The following DAB1 variants were observed in gnomAD, a reference collection of about 807,000 sequenced individuals.
DAB1 encodes disabled homolog 1.
A neutral mutation model predicts 64.6 loss-of-function variants in DAB1; 15 were observed. That is an observed-to-expected ratio of 0.23 (90% CI 0.16 to 0.36). The LOEUF (loss-of-function observed/expected upper bound fraction) is 0.36. Among genes scored for constraint, DAB1 ranks in the 10% least tolerant of loss-of-function variants. The probability of loss-of-function intolerance (pLI) is 1.00; values close to 1 mark genes in which losing one functional copy is unlikely to be tolerated. For missense variants in DAB1, 596 were observed against 706.7 expected, an observed-to-expected ratio of 0.84 and a Z score of 1.78; for synonymous variants, 235 against 251.9, an observed-to-expected ratio of 0.93 and a Z score of 0.64.
At chr1:57,000,422 A>T (rs1645815377) in intron 14 of DAB1, among the ~76,000 whole-genome samples, 1 of 152,120 alleles carries the variant, frequency 6.6e-6, no homozygotes, top group African/African-American at 2.4e-5. Flanking sequence ...AATGATTATA[A>T]TGCTGTTTCT....
At chr1:57,358,446 C>T (rs1679294540) in intron 1 of DAB1, among the ~76,000 whole-genome samples, 1 of 151,872 alleles carries the variant, frequency 6.6e-6, no homozygotes, top group African/African-American at 2.4e-5. Flanking sequence ...TGGTGTATCA[C>T]ATTTATTGTT....
chr1:57,146,772 G>A (rs1311034480), intron 2 of DAB1, among the ~76,000 whole-genome samples: 1 of 152,136 alleles, frequency 6.6e-6, no homozygotes, highest in East Asian at 1.9e-4. Context: ...AGTTTTTGGT[G>A]ACTGCAAATA....
At chr1:57,889,899 C>T (rs58602349) in intron 5 of DAB1, among the ~76,000 whole-genome samples, 3 of 74,330 alleles carry the variant, frequency 4.0e-5, no homozygotes, top group Non-Finnish European at 7.6e-5. Flanking sequence ...CAAACTGGGG[C>T]GGGGGGGGGG....
Position 58,468,861 on chromosome 1 carries a change from C to G in DAB1, n.257+37199G>C, listed in dbSNP as rs12067875. The G allele has an allele frequency of 6.2e-3, 1,227 of 199,282 alleles. 16 individuals carry two copies. The highest frequency in any genetic ancestry group is 0.027 in the African/African-American group (1,169 of 42,628). 12.3% of individuals were successfully genotyped at this position (199,282 alleles called of 1,614,324 possible). On this transcript the variant is annotated intron_variant and non_coding_transcript_variant, in intron 3 of 20. Transcript: ENST00000485760. ...GGGCCTGAAGGTGTGACAGCTGGAG[C>G]ATTTGTCAGTCATGCATGCCACAGA...
chr1:57,300,543 A>T (rs892231496), intron 1 of DAB1, among the ~76,000 whole-genome samples: 30 of 152,238 alleles, frequency 2.0e-4, no homozygotes, highest in African/African-American at 7.0e-4. Flanking sequence ...CAGAGAGAAG[A>T]CGTAATCAAT....
chr1:57,604,007 T>TC (rs1360214606), intron 7 of DAB1, among the ~76,000 whole-genome samples: 1 of 152,216 alleles, frequency 6.6e-6, no homozygotes, highest in African/African-American at 2.4e-5. Flanking sequence ...TTTCTCAAGG[T>TC]CAGCACATGC....
chr1:57,274,929 A>G (rs1374755445), intron 2 of DAB1, among the ~76,000 whole-genome samples: 1 of 151,322 alleles, frequency 6.6e-6, no homozygotes, highest in Non-Finnish European at 1.5e-5. Flanking sequence ...TAACTGCTTA[A>G]AAAAAAATTG....
At chr1:57,207,364 TAAAG>T (rs949702042) in intron 2 of DAB1, among the ~76,000 whole-genome samples, 44 of 151,484 alleles carry the variant, frequency 2.9e-4, no homozygotes, top group African/African-American at 9.4e-4. Flanking sequence ...TGAGTTCCCC[TAAAG>T]AAAGAGCAGA....
At chr1:58,128,610 T>C (rs1653303062) in intron 5 of DAB1, among the ~76,000 whole-genome samples, 1 of 128,872 alleles carries the variant, frequency 7.8e-6, no homozygotes, top group Non-Finnish European at 1.6e-5. Flanking sequence ...AGATAGCTCT[T>C]ATTATTTTTA....
intron 2 of DAB1, among the ~76,000 whole-genome samples, chr1:57,277,577 C>A (rs917882854): frequency 3.3e-5 from 5 of 152,274 alleles, no homozygotes; most frequent in African/African-American, 1.2e-4. Flanking sequence ...ATAAGACCAA[C>A]CTGATTTCAG....
chr1:57,169,109 A>C (rs531896694), intron 2 of DAB1, among the ~76,000 whole-genome samples: 33 of 152,284 alleles, frequency 2.2e-4, no homozygotes, highest in Non-Finnish European at 3.7e-4. Context: ...AAGACAAATA[A>C]TTAAACTGAA....
rs144997316 is a variant in DAB1 at position 57,579,893 on chromosome 1, G to A, written n.625+69699C>T. Among the ~76,000 whole-genome samples, 274 of 152,320 alleles carry A rather than the reference G, an allele frequency of 1.8e-3. 2 individuals are homozygous for A. Among genetic ancestry groups the A allele is most frequent in the African/African-American group, 6.2e-3 (256 of 41,580 alleles). On this transcript the variant is annotated intron_variant and non_coding_transcript_variant, in intron 7 of 20. Transcript: ENST00000485760. ...GCTCAGAGGTTTCATTACACTCACA[G>A]TTCTCTGAGGAAAACATAGCCTACC...
intron 3 of DAB1, among the ~76,000 whole-genome samples, chr1:58,376,155 G>A (rs920911141): frequency 2.6e-5 from 4 of 151,590 alleles, no homozygotes; most frequent in African/African-American, 9.7e-5. Flanking sequence ...ATTTTTTGAA[G>A]GGGTTTTTTT....
chr1:57,997,831 T>G (rs1646449123), intron 5 of DAB1, among the ~76,000 whole-genome samples: 1 of 151,888 alleles, frequency 6.6e-6, no homozygotes, highest in Admixed American at 6.6e-5. Context: ...GTCCCCAATT[T>G]GATCTAATGA....
At chr1:57,527,421 A>C (rs1234959573) in intron 7 of DAB1, among the ~76,000 whole-genome samples, 2 of 152,166 alleles carry the variant, frequency 1.3e-5, no homozygotes, top group Non-Finnish European at 2.9e-5. Flanking sequence ...TTTCCCATCC[A>C]TTTGTTTCTT....
chr1:57,976,972 C>T (rs1645936084), intron 5 of DAB1, among the ~76,000 whole-genome samples: 1 of 152,180 alleles, frequency 6.6e-6, no homozygotes, highest in Admixed American at 6.5e-5. Context: ...GGTCTCCTAA[C>T]ACTCATGAAA....
At chr1:57,990,956 T>C (rs1380760428) in intron 5 of DAB1, among the ~76,000 whole-genome samples, 2 of 152,204 alleles carry the variant, frequency 1.3e-5, no homozygotes, top group Non-Finnish European at 2.9e-5. Flanking sequence ...CCACAACTGC[T>C]ACTTGGGGTG....
intron 5 of DAB1, among the ~76,000 whole-genome samples, chr1:57,932,922 C>T (rs1003831562): frequency 6.6e-6 from 1 of 152,160 alleles, no homozygotes; most frequent in Non-Finnish European, 1.5e-5. Context: ...TCTCATAAAA[C>T]CCCATGTTAG....
intron 2 of DAB1, among the ~76,000 whole-genome samples, chr1:57,156,178 G>A (rs1472548487): frequency 6.6e-6 from 1 of 152,090 alleles, no homozygotes; most frequent in Non-Finnish European, 1.5e-5. Context: ...GCCCCACACT[G>A]CTTCCAAAAA....
Sources: allele counts gnomAD v4.1 joint callset (sites outside exome capture counted in the v4.1 genomes callset), GRCh38; gene constraint gnomAD v4.1.1; transcripts MANE v1.5; gene names NCBI Gene and HGNC (gene_info 2026-07-23, HGNC 2026-07-21).